PPEF1: variants seen among roughly 807,000 people sequenced by gnomAD.
PPEF1 encodes the protein protein phosphatase with EF-hand domain 1.
A neutral mutation model predicts 53.3 loss-of-function variants in PPEF1; 12 were observed. The observed-to-expected ratio is 0.23, with a 90% CI of 0.14 to 0.36. PPEF1 has a LOEUF of 0.36. PPEF1 is among the 10% of genes least tolerant of loss of function. The probability of loss-of-function intolerance (pLI) is 1.00; values close to 1 mark genes in which losing one functional copy is unlikely to be tolerated. For missense variants in PPEF1, 334 were observed against 490.4 expected (o/e 0.68, Z 3.01); for synonymous variants, 165 against 176.7 (o/e 0.93, Z 0.52).
Position 18,779,187 on chromosome X carries a change from C to A in PPEF1, c.725+11C>A, listed in dbSNP as rs775955936. ...TATGATGAATCTGAGGTAACCCAGGCCTTTAGATTTTCTCTTTTAAAAGTT... is the reference window on the plus strand; with the variant it reads ...TATGATGAATCTGAGGTAACCCAGGACTTTAGATTTTCTCTTTTAAAAGTT... On this transcript the variant is annotated intron_variant, in intron 7 of 15. Coordinates refer to ENST00000470157, the MANE Select transcript of PPEF1 (RefSeq NM_001377996.1). 1 of 1,177,231 alleles carries A rather than the reference C, an allele frequency of 8.5e-7. No individual in the cohort carries two copies. Among genetic ancestry groups the A allele is most frequent in the Non-Finnish European group, 1.1e-6 (1 of 877,041 alleles).
At chrX:18,776,850 G>A (rs2045976377) in intron 6 of PPEF1, among the ~76,000 whole-genome samples, 1 of 111,858 alleles carries the variant, frequency 8.9e-6, no homozygotes, top group African/African-American at 3.3e-5. Flanking sequence ...AACCTGGGAG[G>A]CGGAGGTTGC....
chrX:18,728,591 A>G (rs1214828133), intron 1 of PPEF1, among the ~76,000 whole-genome samples: 1 of 111,295 alleles, frequency 9.0e-6, no homozygotes, highest in Non-Finnish European at 1.9e-5. Flanking sequence ...TTATAACACC[A>G]CAACATGTCA....
At chrX:18,721,383 T>A (rs779893402) in intron 1 of PPEF1, among the ~76,000 whole-genome samples, 1 of 112,148 alleles carries the variant, frequency 8.9e-6, no homozygotes, top group East Asian at 2.8e-4. Flanking sequence ...TTAGAATTTG[T>A]CTCCTTTGTC....
chrX:18,690,358 G>GTT (rs67423941), intron 3 of PPEF1, among the ~76,000 whole-genome samples: 19 of 71,211 alleles, frequency 2.7e-4, no homozygotes, highest in Admixed American at 4.9e-4. Context: ...TCTAGGACTT[G>GTT]TTTTTTTTTT....
rs192601016 is a variant in PPEF1, at chrX:18,813,128, C to T, written c.1395-4911C>T. Among the ~76,000 whole-genome samples, 21 of 111,121 alleles carry T rather than the reference C, an allele frequency of 1.9e-4. No homozygotes were observed. In the East Asian group the frequency reaches 5.9e-3, roughly 31 times the overall value. On this transcript the variant is annotated intron_variant, in intron 12 of 15. Coordinates refer to ENST00000470157, the MANE Select transcript of PPEF1 (RefSeq NM_001377996.1). Reference sequence around the variant, plus strand: ...GGGCACGGTGGCTCATGCCTGTAATCCTAGCACTTTGAGAGGCTGAGGCGG... The same window carrying T: ...GGGCACGGTGGCTCATGCCTGTAATTCTAGCACTTTGAGAGGCTGAGGCGG...
At chrX:18,790,837 AT>A (rs1390334618) in intron 10 of PPEF1, among the ~76,000 whole-genome samples, 1 of 109,392 alleles carries the variant, frequency 9.1e-6, no homozygotes, top group Non-Finnish European at 1.9e-5. Flanking sequence ...CGCCTGGCTA[AT>A]TTTTGTATTT....
intron 6 of PPEF1, among the ~76,000 whole-genome samples, chrX:18,762,288 T>A (rs1371038079): frequency 1.8e-5 from 2 of 112,032 alleles, no homozygotes; most frequent in African/African-American, 3.2e-5. Context: ...TTTACACTGG[T>A]CTTCTGAATG....
chrX:18,678,443 G>A (rs750249751), upstream of PPEF1, among the ~76,000 whole-genome samples: 3 of 110,999 alleles, frequency 2.7e-5, no homozygotes, highest in East Asian at 5.7e-4. Flanking sequence ...TCTCAAAAAC[G>A]AAAACAAAAG....
chrX:18,731,909 A>G (rs764699394), intron 2 of PPEF1, among the ~76,000 whole-genome samples: 5 of 111,682 alleles, frequency 4.5e-5, no homozygotes, highest in Non-Finnish European at 9.4e-5. Flanking sequence ...TTTTTTTGAG[A>G]CAGAGTCTCG....
At chrX:18,778,439 A>T (rs2147577554) in intron 6 of PPEF1, among the ~76,000 whole-genome samples, 1 of 111,422 alleles carries the variant, frequency 9.0e-6, no homozygotes, top group South Asian at 3.8e-4. Flanking sequence ...CACCTGGTGT[A>T]GTTGCTCGCT....
chrX:18,772,296 A>T (rs945454110), intron 6 of PPEF1, among the ~76,000 whole-genome samples: 1 of 111,227 alleles, frequency 9.0e-6, no homozygotes, highest in Admixed American at 9.7e-5. Flanking sequence ...GGGGTGGCAG[A>T]GGGAGAAGAG....
chrX:18,821,782 AG>A (rs56408358), intron 13 of PPEF1, among the ~76,000 whole-genome samples: 1,184 of 104,276 alleles, frequency 0.011, 17 homozygotes, highest in Non-Finnish European at 0.016. Context: ...AGAGAGAGAG[AG>A]AGAGAGAGAG....
At chrX:18,758,427 TC>T (rs1232220751) in intron 5 of PPEF1, among the ~76,000 whole-genome samples, 1 of 112,150 alleles carries the variant, frequency 8.9e-6, no homozygotes, top group Admixed American at 9.5e-5. Context: ...ATTGTTATTT[TC>T]CAAATCAGTT....
intron 1 of PPEF1, among the ~76,000 whole-genome samples, chrX:18,712,417 T>A (rs1252679848): frequency 8.9e-6 from 1 of 112,074 alleles, no homozygotes; most frequent in African/African-American, 3.2e-5. Flanking sequence ...TTTGATGATA[T>A]TATACATGGA....
intron 3 of PPEF1, among the ~76,000 whole-genome samples, chrX:18,748,287 A>C (rs976832322): frequency 8.9e-5 from 10 of 112,669 alleles, no homozygotes; most frequent in Non-Finnish European, 1.9e-4. Context: ...TTAAATTGCC[A>C]AATAGTATGA....
intron 1 of PPEF1, among the ~76,000 whole-genome samples, chrX:18,683,677 GT>G (rs1928960891): frequency 8.9e-6 from 1 of 112,107 alleles, no homozygotes; most frequent in Non-Finnish European, 1.9e-5. Flanking sequence ...TTGGTGATGT[GT>G]CTGGCTAAAA....
chrX:18,751,546 G>C (rs963392813), intron 4 of PPEF1, among the ~76,000 whole-genome samples: 1 of 111,415 alleles, frequency 9.0e-6, no homozygotes, highest in Non-Finnish European at 1.9e-5. Context: ...TTGGGAGGCC[G>C]AGGCGGGTGC....
intron 1 of PPEF1, 62 bp downstream of exon 1, chrX:18,707,888 C>G (rs1569244197): frequency 1.9e-6 from 2 of 1,038,027 alleles, no homozygotes; most frequent in Admixed American, 2.3e-5. Context: ...TGCCCTCACC[C>G]TCTTCTCCTT....
intron 6 of PPEF1, among the ~76,000 whole-genome samples, chrX:18,764,403 T>A (rs888775325): frequency 4.5e-5 from 5 of 110,535 alleles, no homozygotes; most frequent in Admixed American, 9.6e-5. Context: ...GGGCCTGAGG[T>A]GGGTGTCCTG....
Sources: gnomAD v4.1 joint callset for allele counts (sites outside exome capture counted in the v4.1 genomes callset) on GRCh38, gnomAD v4.1.1 for gene constraint, MANE v1.5 for transcripts, NCBI Gene and HGNC (gene_info 2026-07-23, HGNC 2026-07-21) for gene names.